The following DCC variants were observed in gnomAD, a reference collection of about 807,000 sequenced individuals.
The protein encoded by DCC is DCC netrin 1 receptor.
DCC carries 58 observed loss-of-function variants against 172.5 expected under a neutral mutation model. The observed-to-expected ratio is 0.34, with a 90% CI of 0.27 to 0.42. DCC has a LOEUF of 0.42. Ranked by LOEUF, DCC falls within the 10% of genes least tolerant of loss-of-function variation. DCC has a pLI of 1.00. For missense variants in DCC, 1,740 were observed against 1,791.0 expected, an observed-to-expected ratio of 0.97 and a Z score of 0.51; for synonymous variants, 709 against 644.5, an observed-to-expected ratio of 1.10 and a Z score of -1.52.
chr18:52,607,931 T>A (rs1221882), intron 1 of DCC, among the ~76,000 whole-genome samples: 65,258 of 151,932 alleles, frequency 0.43, 14,033 homozygotes, highest in African/African-American at 0.46. Context: ...AGATAAATGA[T>A]ATTTTGGAAA....
intron 5 of DCC, among the ~76,000 whole-genome samples, chr18:52,938,806 A>G (rs1020933627): frequency 1.2e-4 from 18 of 152,012 alleles, no homozygotes; most frequent in African/African-American, 3.9e-4. Flanking sequence ...TAACAGTTCA[A>G]TCTCCAAAAT....
At chr18:52,853,233 A>T (rs1456191788) in intron 2 of DCC, among the ~76,000 whole-genome samples, 1 of 152,156 alleles carries the variant, frequency 6.6e-6, no homozygotes, top group Non-Finnish European at 1.5e-5. Context: ...CAGGTTCAGA[A>T]GTTTAGTGCC....
intron 14 of DCC, among the ~76,000 whole-genome samples, chr18:53,330,166 T>C (rs1426188565): frequency 6.6e-6 from 1 of 152,208 alleles, no homozygotes; most frequent in Non-Finnish European, 1.5e-5. Context: ...TTTCTTCAGG[T>C]ATTTTTAAAT....
chr18:52,656,452 T>C (rs2035256806), intron 1 of DCC, among the ~76,000 whole-genome samples: 1 of 152,164 alleles, frequency 6.6e-6, no homozygotes, highest in Non-Finnish European at 1.5e-5. Flanking sequence ...AATAAATTTT[T>C]GTTGTTTATA....
intron 10 of DCC, among the ~76,000 whole-genome samples, chr18:53,206,277 CAT>C (rs1459226196): frequency 3.8e-5 from 5 of 133,232 alleles, no homozygotes; most frequent in South Asian, 4.7e-4. Context: ...TATTATAACA[CAT>C]ATATACCACA....
chr18:52,802,820 C>G (rs938674341), intron 2 of DCC, among the ~76,000 whole-genome samples: 9 of 151,346 alleles, frequency 5.9e-5, no homozygotes, highest in African/African-American at 2.2e-4. Context: ...AAAATCTTAA[C>G]TACTGATAGC....
chr18:53,083,288 G>A (rs2042831945), intron 7 of DCC, among the ~76,000 whole-genome samples: 1 of 152,030 alleles, frequency 6.6e-6, no homozygotes, highest in African/African-American at 2.4e-5. Flanking sequence ...GAAATGTGAG[G>A]TATCCAGGTA....
intron 12 of DCC, among the ~76,000 whole-genome samples, chr18:53,245,680 A>G (rs2056357019): frequency 6.6e-6 from 1 of 152,146 alleles, no homozygotes; most frequent in Admixed American, 6.6e-5. Flanking sequence ...CAAGTCTAAT[A>G]CAGATATCTA....
intron 2 of DCC, among the ~76,000 whole-genome samples, chr18:52,879,738 T>C (rs1423454024): frequency 6.6e-6 from 1 of 152,108 alleles, no homozygotes; most frequent in East Asian, 1.9e-4. Flanking sequence ...CCATGTTGTT[T>C]GGTCTTTGTC....
intron 1 of DCC, among the ~76,000 whole-genome samples, chr18:52,351,191 A>G (rs1984104740): frequency 6.6e-6 from 1 of 152,134 alleles, no homozygotes; most frequent in African/African-American, 2.4e-5. Flanking sequence ...CAAAGGCCCC[A>G]TGGTGGGAGG....
At chr18:52,614,038 A>T (rs1288189709) in intron 1 of DCC, among the ~76,000 whole-genome samples, 2 of 152,180 alleles carry the variant, frequency 1.3e-5, no homozygotes. Context: ...TCTGGAATAG[A>T]TTATTTGGTA....
intron 12 of DCC, among the ~76,000 whole-genome samples, chr18:53,268,778 G>A (rs1429974769): frequency 1.3e-5 from 2 of 152,182 alleles, no homozygotes; most frequent in Non-Finnish European, 2.9e-5. Context: ...ACCTGAACAG[G>A]ATGAGGGGCC....
At chr18:53,326,800 C>T (rs927982151) in intron 14 of DCC, among the ~76,000 whole-genome samples, 1 of 147,230 alleles carries the variant, frequency 6.8e-6, no homozygotes, top group South Asian at 2.2e-4. Context: ...TTTGATCTCC[C>T]AAAAATTAAG....
chr18:53,291,402 C>T lies in DCC; in HGVS notation c.1912-14176C>T, dbSNP rs143935173. Among the ~76,000 whole-genome samples the T allele has an allele frequency of 2.0e-4, 31 of 152,170 alleles. No homozygotes were observed. In the East Asian group the frequency reaches 4.3e-3, roughly 21 times the overall value. On this transcript the variant is annotated intron_variant, in intron 12 of 28. Coordinates refer to ENST00000442544, the MANE Select transcript of DCC (RefSeq NM_005215.4). ...GTTGCCGTTTTTATATGGCATGAAT[C>T]GTATTTAAACCTTCTTTCTCTTTGA... is the stretch of plus-strand genomic sequence containing the variant.
intron 5 of DCC, among the ~76,000 whole-genome samples, chr18:52,944,543 A>G (rs186416179): frequency 5.3e-5 from 8 of 152,344 alleles, no homozygotes; most frequent in Non-Finnish European, 7.3e-5. Flanking sequence ...GATAAGTGAC[A>G]GGAGAAGGAG....
At chr18:53,210,378 T>G (rs1049981280) in intron 11 of DCC, among the ~76,000 whole-genome samples, 2 of 152,222 alleles carry the variant, frequency 1.3e-5, no homozygotes, top group Admixed American at 1.3e-4. Context: ...AATGGGCTGA[T>G]CTGTGTAAAC....
chr18:53,267,859 G>C (rs8096708), intron 12 of DCC, among the ~76,000 whole-genome samples: 6,767 of 152,184 alleles, frequency 0.044, 528 homozygotes, highest in African/African-American at 0.15. Flanking sequence ...TTTGTGAATA[G>C]CAGGTTTCCA....
intron 5 of DCC, among the ~76,000 whole-genome samples, chr18:52,958,636 C>T (rs915657924): frequency 2.0e-5 from 3 of 152,022 alleles, no homozygotes; most frequent in African/African-American, 7.2e-5. Context: ...GGAAACACAT[C>T]AGAGACAGAA....
intron 13 of DCC, among the ~76,000 whole-genome samples, chr18:53,313,986 T>C (rs1263439071): frequency 6.6e-6 from 1 of 152,228 alleles, no homozygotes; most frequent in African/African-American, 2.4e-5. Flanking sequence ...ACTGTGCCAA[T>C]GTCAGTTATC....
Sources: gnomAD v4.1 joint callset for allele counts (sites outside exome capture counted in the v4.1 genomes callset) on GRCh38, gnomAD v4.1.1 for gene constraint, MANE v1.5 for transcripts, NCBI Gene and HGNC (gene_info 2026-07-23, HGNC 2026-07-21) for gene names.